The following RGS6 variants were observed in gnomAD, a reference collection of about 807,000 sequenced individuals.
RGS6 encodes the protein regulator of G-protein signaling 6.
RGS6 carries 30 observed loss-of-function variants against 78.5 expected under a neutral mutation model. The ratio of observed to expected loss-of-function variants is 0.38; its 90% CI spans 0.29 to 0.52. The LOEUF is 0.52. Ranked by LOEUF, RGS6 falls within the 20% of genes least tolerant of loss-of-function variation. The pLI is 0.85. For synonymous variants in RGS6, 206 were observed against 206.0 expected, an observed-to-expected ratio of 1.00 and a Z score of 0.00; for missense variants, 495 against 609.7, an observed-to-expected ratio of 0.81 and a Z score of 1.98.
At chr14:72,144,085 C>A (rs2096576190) in intron 2 of RGS6, among the ~76,000 whole-genome samples, 1 of 152,116 alleles carries the variant, frequency 6.6e-6, no homozygotes, top group Non-Finnish European at 1.5e-5. Flanking sequence ...AAGAATGATG[C>A]CCCAAGACCA....
intron 2 of RGS6, among the ~76,000 whole-genome samples, chr14:72,316,573 T>C (rs1009059659): frequency 6.6e-6 from 1 of 151,870 alleles, no homozygotes; most frequent in Admixed American, 6.6e-5. Flanking sequence ...AACTCATCCT[T>C]TTTTATGGCT....
chr14:72,474,420 A>G (rs2096179021), intron 9 of RGS6, among the ~76,000 whole-genome samples: 1 of 152,192 alleles, frequency 6.6e-6, no homozygotes, highest in Non-Finnish European at 1.5e-5. Flanking sequence ...TACCCTCTAC[A>G]TATCATCCTT....
intron 2 of RGS6, among the ~76,000 whole-genome samples, chr14:72,342,670 C>T (rs1024800755): frequency 1.5e-5 from 2 of 137,630 alleles, no homozygotes; most frequent in Non-Finnish European, 3.0e-5. Context: ...GTGAAAGTTG[C>T]AGTGAGCCGA....
At chr14:72,377,680 A>G (rs1013802754) in intron 3 of RGS6, among the ~76,000 whole-genome samples, 9 of 152,202 alleles carry the variant, frequency 5.9e-5, no homozygotes, top group African/African-American at 2.2e-4. Context: ...AAGCTTTTCA[A>G]AATCAAAATT....
At chr14:72,385,879 C>T (rs1566692503) in intron 3 of RGS6, among the ~76,000 whole-genome samples, 2 of 152,176 alleles carry the variant, frequency 1.3e-5, no homozygotes, top group Non-Finnish European at 2.9e-5. Context: ...CAATCTGGTA[C>T]ACTTTTAGTC....
intron 2 of RGS6, among the ~76,000 whole-genome samples, chr14:72,297,853 A>G (rs1311241240): frequency 6.6e-6 from 1 of 151,828 alleles, no homozygotes; most frequent in Non-Finnish European, 1.5e-5. Context: ...ATTATTCCTA[A>G]GTACTTTCTG....
intron 3 of RGS6, among the ~76,000 whole-genome samples, chr14:72,359,880 G>T (rs1029213382): frequency 3.4e-5 from 5 of 145,488 alleles, no homozygotes; most frequent in African/African-American, 1.3e-4. Flanking sequence ...TGCACATTCT[G>T]TGAAACATTG....
chr14:72,379,856 C>T (rs547977292), intron 3 of RGS6, among the ~76,000 whole-genome samples: 1 of 151,946 alleles, frequency 6.6e-6, no homozygotes, highest in African/African-American at 2.4e-5. Flanking sequence ...CCATGAATAG[C>T]CAAGGCAATC....
Position 72,540,037 on chromosome 14 carries a change from A to G in RGS6, c.1369-4A>G. ...CTCCCTACCCTTTTTTTTTTTTCCT[A>G]AAGCCAGAAAGTGAGCAAGGTCGTA... On this transcript the variant is annotated splice_region_variant and splice_polypyrimidine_tract_variant and intron_variant, in intron 16 of 17. Transcript: ENST00000553525. 1.9e-6 allele frequency: 3 copies of G among 1,549,982 alleles called. No homozygotes were observed. The highest frequency in any genetic ancestry group is 2.6e-6 in the Non-Finnish European group (3 of 1,162,360).
chr14:72,044,355 A>G (rs1029253535), intron 2 of RGS6, among the ~76,000 whole-genome samples: 2 of 152,178 alleles, frequency 1.3e-5, no homozygotes, highest in African/African-American at 4.8e-5. Context: ...TGGCATTTGA[A>G]TCAGCGTACT....
At chr14:72,549,422 C>T (rs952513849) in intron 17 of RGS6, among the ~76,000 whole-genome samples, 1 of 152,098 alleles carries the variant, frequency 6.6e-6, no homozygotes, top group African/African-American at 2.4e-5. Context: ...GTGCGTGGGG[C>T]GTCCTGGCCC....
At chr14:72,271,862 G>T (rs1325862407) in intron 2 of RGS6, among the ~76,000 whole-genome samples, 1 of 151,090 alleles carries the variant, frequency 6.6e-6, no homozygotes, top group Non-Finnish European at 1.5e-5. Flanking sequence ...TTGGCTCTTT[G>T]CCCCTTCCCT....
chr14:72,177,849 T>C (rs1318767504), intron 2 of RGS6, among the ~76,000 whole-genome samples: 1 of 152,266 alleles, frequency 6.6e-6, no homozygotes, highest in South Asian at 2.1e-4. Context: ...TACTTCATGC[T>C]GTTATCTTAA....
At chr14:71,997,524 C>G (rs963839345) in intron 2 of RGS6, among the ~76,000 whole-genome samples, 2 of 152,174 alleles carry the variant, frequency 1.3e-5, no homozygotes, top group Non-Finnish European at 2.9e-5. Flanking sequence ...GAAGAGCTAG[C>G]TTTGTATCAA....
chr14:72,361,302 A>C (rs1328887128), intron 3 of RGS6, among the ~76,000 whole-genome samples: 1 of 152,208 alleles, frequency 6.6e-6, no homozygotes, highest in Non-Finnish European at 1.5e-5. Context: ...AGGTTATAAT[A>C]GATCAAGACA....
chr14:72,194,300 G>A (rs2039469856), intron 2 of RGS6, among the ~76,000 whole-genome samples: 1 of 152,190 alleles, frequency 6.6e-6, no homozygotes, highest in Non-Finnish European at 1.5e-5. Flanking sequence ...CCTTGTTCTG[G>A]GTGATGGCTA....
chr14:72,265,040 G>A (rs77010105), intron 2 of RGS6, among the ~76,000 whole-genome samples: 4,582 of 152,228 alleles, frequency 0.03, 85 homozygotes, highest in African/African-American at 0.051. Context: ...TCACATATGA[G>A]CTGTTATCAA....
intron 2 of RGS6, among the ~76,000 whole-genome samples, chr14:72,142,480 C>T (rs1014933958): frequency 5.9e-5 from 9 of 152,218 alleles, no homozygotes; most frequent in African/African-American, 2.2e-4. Flanking sequence ...GAAAATCACT[C>T]AGAGGAAGTC....
At chr14:72,156,442 A>T (rs2096771691) in intron 2 of RGS6, among the ~76,000 whole-genome samples, 1 of 105,600 alleles carries the variant, frequency 9.5e-6, no homozygotes, top group African/African-American at 3.9e-5. Flanking sequence ...TGACAGGGTG[A>T]GACTCCATCT....
Sources: gnomAD v4.1 joint callset for allele counts (sites outside exome capture counted in the v4.1 genomes callset) on GRCh38, gnomAD v4.1.1 for gene constraint, MANE v1.5 for transcripts, NCBI Gene and HGNC (gene_info 2026-07-23, HGNC 2026-07-21) for gene names.